LRRC3B: variants seen among roughly 807,000 people sequenced by gnomAD.
LRRC3B encodes leucine-rich repeat-containing protein 3B.
A neutral mutation model predicts 12.8 loss-of-function variants in LRRC3B; 2 were observed. The ratio of observed to expected loss-of-function variants is 0.16; its 90% CI spans 0.06 to 0.49. The LOEUF is 0.49. Ranked by LOEUF, LRRC3B falls within the 20% of genes least tolerant of loss-of-function variation. The probability of loss-of-function intolerance (pLI) is 0.96; values close to 1 mark genes in which losing one functional copy is unlikely to be tolerated. For missense variants in LRRC3B, 189 were observed against 319.4 expected (o/e 0.59, Z 3.11); for synonymous variants, 132 against 122.0 (o/e 1.08, Z -0.54).
intron 1 of LRRC3B, among the ~76,000 whole-genome samples, chr3:26,696,893 T>G (rs1700330973): frequency 6.6e-6 from 1 of 152,218 alleles, no homozygotes; most frequent in Non-Finnish European, 1.5e-5. Flanking sequence ...AGCTCTTTCC[T>G]AGGATTTTTT....
intron 1 of LRRC3B, among the ~76,000 whole-genome samples, chr3:26,636,582 T>C (rs540869798): frequency 3.9e-5 from 6 of 152,108 alleles, no homozygotes; most frequent in Non-Finnish European, 8.8e-5. Context: ...ATTGACAATA[T>C]TAAATTGTGG....
intron 1 of LRRC3B, among the ~76,000 whole-genome samples, chr3:26,697,080 AG>A (rs1700335700): frequency 6.6e-6 from 1 of 152,172 alleles, no homozygotes; most frequent in Admixed American, 6.6e-5. Flanking sequence ...CATAATGGGG[AG>A]TCAGATAGAA....
At chr3:26,668,446 G>A (rs1699653660) in intron 1 of LRRC3B, among the ~76,000 whole-genome samples, 1 of 152,130 alleles carries the variant, frequency 6.6e-6, no homozygotes, top group Non-Finnish European at 1.5e-5. Flanking sequence ...TTTTGCAATG[G>A]AAATATGCTT....
At chr3:26,624,274 T>G (rs1698571910) in intron 1 of LRRC3B, 1 of 152,314 alleles carries the variant, frequency 6.6e-6, no homozygotes, top group Admixed American at 6.5e-5. Context: ...GGACTAGGGA[T>G]GCTTCTCCAA....
At chr3:26,703,743 A>G (rs916665776) in intron 1 of LRRC3B, among the ~76,000 whole-genome samples, 1 of 151,384 alleles carries the variant, frequency 6.6e-6, no homozygotes, top group African/African-American at 2.4e-5. Context: ...ATTTTTGTAT[A>G]TGGTGTGGCC....
At chr3:26,641,380 A>T (rs914169672) in intron 1 of LRRC3B, among the ~76,000 whole-genome samples, 4 of 152,156 alleles carry the variant, frequency 2.6e-5, no homozygotes, top group African/African-American at 9.7e-5. Flanking sequence ...GCCAGTCAGG[A>T]GATTAGCAGC....
intron 1 of LRRC3B, among the ~76,000 whole-genome samples, chr3:26,635,367 C>T (rs1359424803): frequency 2.0e-5 from 3 of 152,116 alleles, no homozygotes; most frequent in African/African-American, 7.2e-5. Flanking sequence ...GTCCTAACCC[C>T]CAATGTGATG....
chr3:26,638,791 T>A (rs1021873345), intron 1 of LRRC3B, among the ~76,000 whole-genome samples: 1 of 152,340 alleles, frequency 6.6e-6, no homozygotes, highest in Admixed American at 6.5e-5. Context: ...ATTCTTAGAC[T>A]GTTTTGGGGT....
intron 1 of LRRC3B, among the ~76,000 whole-genome samples, chr3:26,684,315 T>C (rs575880144): frequency 7.2e-5 from 11 of 152,332 alleles, no homozygotes; most frequent in African/African-American, 2.2e-4. Context: ...TAAAGGACTA[T>C]GCGATATTCA....
intron 1 of LRRC3B, among the ~76,000 whole-genome samples, chr3:26,696,514 A>C (rs1469256692): frequency 4.6e-5 from 7 of 152,158 alleles, no homozygotes; most frequent in African/African-American, 1.4e-4. Flanking sequence ...AACTCTTCAG[A>C]ATGCTGTTTG....
At chr3:26,682,534 T>G (rs1699992366) in intron 1 of LRRC3B, among the ~76,000 whole-genome samples, 1 of 152,238 alleles carries the variant, frequency 6.6e-6, no homozygotes, top group African/African-American at 2.4e-5. Context: ...CTTTTGCCTT[T>G]GTTCCTGGTG....
chr3:26,686,845 C>T (rs1176956099), intron 1 of LRRC3B, among the ~76,000 whole-genome samples: 1 of 152,210 alleles, frequency 6.6e-6, no homozygotes, highest in Non-Finnish European at 1.5e-5. Context: ...TCTCAGCCAG[C>T]TCTGGATCTA....
At chr3:26,698,369 G>A (rs1700371657) in intron 1 of LRRC3B, among the ~76,000 whole-genome samples, 1 of 152,136 alleles carries the variant, frequency 6.6e-6, no homozygotes, top group African/African-American at 2.4e-5. Context: ...AAAACCAAGT[G>A]CACCTTGCAC....
At chr3:26,643,394 A>G (rs1387414914) in intron 1 of LRRC3B, among the ~76,000 whole-genome samples, 7 of 152,054 alleles carry the variant, frequency 4.6e-5, no homozygotes, top group Non-Finnish European at 1.0e-4. Flanking sequence ...TATGTGTGTG[A>G]TATACCTGTA....
At chr3:26,685,478 A>G (rs1448569656) in intron 1 of LRRC3B, among the ~76,000 whole-genome samples, 1 of 54,156 alleles carries the variant, frequency 1.8e-5, no homozygotes, top group South Asian at 5.7e-4. Context: ...GATATGGTAG[A>G]CTCTCTCCCT....
At chr3:26,685,501 CTCTCTCTCTCTCTCTCTCTCTCTATATA>C (rs1352586255) in intron 1 of LRRC3B, among the ~76,000 whole-genome samples, 2 of 45,562 alleles carry the variant, frequency 4.4e-5, no homozygotes, top group African/African-American at 1.8e-4. Context: ...CTCTCTCTCT[CTCTCTCTCTCTCTCTCTCTCTCTATATA>C]TATATATATA....
intron 1 of LRRC3B, among the ~76,000 whole-genome samples, chr3:26,693,884 A>C (rs1248766857): frequency 6.6e-6 from 1 of 152,248 alleles, no homozygotes; most frequent in African/African-American, 2.4e-5. Flanking sequence ...TATAAAATTG[A>C]AACACAATAG....
chr3:26,702,254 T>G (rs552640420), intron 1 of LRRC3B, among the ~76,000 whole-genome samples: 2 of 152,154 alleles, frequency 1.3e-5, no homozygotes, highest in African/African-American at 4.8e-5. Context: ...ATTGCAAGAG[T>G]TCCTTGCCTT....
chr3:26,677,292 A>G (rs566548799), intron 1 of LRRC3B, among the ~76,000 whole-genome samples: 29 of 152,330 alleles, frequency 1.9e-4, no homozygotes, highest in African/African-American at 7.0e-4. Context: ...GATACTGAAA[A>G]TAAACACCAG....
Sources: allele counts gnomAD v4.1 joint callset (sites outside exome capture counted in the v4.1 genomes callset), GRCh38; gene constraint gnomAD v4.1.1; transcripts MANE v1.5; gene names NCBI Gene and HGNC (gene_info 2026-07-23, HGNC 2026-07-21).